Variants in NRXN3 observed in about 807,000 individuals in gnomAD.
NRXN3 encodes neurexin III.
In NRXN3, 32 loss-of-function variants were observed where a neutral mutation model predicts 137.6. The ratio of observed to expected loss-of-function variants is 0.23; its 90% confidence interval spans 0.18 to 0.31. The LOEUF (loss-of-function observed/expected upper bound fraction) is 0.31, where lower values mean the gene tolerates loss of function less well. Among genes scored for constraint, NRXN3 ranks in the 10% least tolerant of loss-of-function variants. NRXN3 has a pLI of 1.00. For synonymous variants in NRXN3, 798 were observed against 784.5 expected (o/e 1.02, Z -0.29); for missense variants, 1,574 against 2,062.5 (o/e 0.76, Z 4.59).
intron 16 of NRXN3, among the ~76,000 whole-genome samples, chr14:79,534,848 G>T (rs928841556): frequency 2.0e-5 from 3 of 152,144 alleles, no homozygotes; most frequent in African/African-American, 7.2e-5. Flanking sequence ...ACCAGAAGAT[G>T]AAAAACCTGG....
chr14:79,248,527 T>G (rs574943963), intron 15 of NRXN3: 1 of 152,392 alleles, frequency 6.6e-6, no homozygotes, highest in South Asian at 2.1e-4. Flanking sequence ...TCCTTCTAGT[T>G]TTCCTGTGTC....
intron 4 of NRXN3, among the ~76,000 whole-genome samples, chr14:78,409,933 G>T (rs2092722578): frequency 6.6e-6 from 1 of 152,146 alleles, no homozygotes; most frequent in Non-Finnish European, 1.5e-5. Flanking sequence ...CTTGATACAA[G>T]ATCTCATGTA....
At chr14:78,417,780 GA>G (rs1201724556) in intron 4 of NRXN3, among the ~76,000 whole-genome samples, 1 of 152,148 alleles carries the variant, frequency 6.6e-6, no homozygotes, top group Non-Finnish European at 1.5e-5. Flanking sequence ...TTTAGAGACA[GA>G]GTCTCACTCT....
At position 79,827,309 on chromosome 14, in the gene NRXN3, G is replaced by A. The variant is rs185409457; in HGVS notation, c.4093+22119G>A. Among the ~76,000 whole-genome samples, 7 of 152,236 alleles carry A rather than the reference G, an allele frequency of 4.6e-5. No homozygotes were observed. In the East Asian group the frequency reaches 1.4e-3, roughly 30 times the overall value. ...CTTCTCTGAAAAAAATGATATTTGA[G>A]CAGAAGAGTGTGAAATAAGTGACAG... On this transcript the variant is annotated intron_variant, in intron 20 of 20. Transcript: ENST00000335750.
intron 5 of NRXN3, among the ~76,000 whole-genome samples, chr14:78,646,082 G>A (rs577955609): frequency 2.0e-5 from 3 of 152,116 alleles, no homozygotes; most frequent in African/African-American, 7.2e-5. Context: ...GGCCTGGAAA[G>A]TGGAAGGACC....
intron 4 of NRXN3, among the ~76,000 whole-genome samples, chr14:78,523,859 TG>T (rs2096331544): frequency 2.4e-5 from 3 of 127,376 alleles, no homozygotes; most frequent in Non-Finnish European, 5.0e-5. Context: ...TACAAGAGAG[TG>T]TGACCCATAG....
chr14:79,028,662 C>T (rs536406423), intron 15 of NRXN3, among the ~76,000 whole-genome samples: 6 of 152,084 alleles, frequency 3.9e-5, no homozygotes, highest in East Asian at 1.9e-4. Flanking sequence ...CAAATGTGGA[C>T]GTAAATAATT....
At chr14:78,971,772 A>C (rs2099441998) in intron 14 of NRXN3, among the ~76,000 whole-genome samples, 1 of 152,026 alleles carries the variant, frequency 6.6e-6, no homozygotes, top group Admixed American at 6.6e-5. Flanking sequence ...AGTAGCTGGG[A>C]TTACAGGTGC....
At chr14:79,634,816 C>T (rs1008451024) in intron 16 of NRXN3, among the ~76,000 whole-genome samples, 5 of 152,172 alleles carry the variant, frequency 3.3e-5, no homozygotes, top group African/African-American at 7.2e-5. Context: ...CTTTCCCCAT[C>T]GCCACCACGT....
chr14:78,487,755 A>C (rs2095588788), intron 4 of NRXN3, among the ~76,000 whole-genome samples: 1 of 99,966 alleles, frequency 1.0e-5, no homozygotes, highest in Admixed American at 8.6e-5. Flanking sequence ...AAATAAATAA[A>C]TAAATAAATA....
At chr14:78,350,159 C>T (rs1390381384) in intron 4 of NRXN3, among the ~76,000 whole-genome samples, 3 of 151,942 alleles carry the variant, frequency 2.0e-5, no homozygotes, top group Non-Finnish European at 2.9e-5. Flanking sequence ...CATGGTGGTG[C>T]GTACCTGTAA....
intron 15 of NRXN3, among the ~76,000 whole-genome samples, chr14:79,100,775 G>C (rs1199710538): frequency 1.3e-5 from 2 of 152,068 alleles, no homozygotes; most frequent in East Asian, 3.9e-4. Context: ...CCCTCAAATG[G>C]GGACATGAAA....
chr14:78,186,098 A>T (rs561509405), intron 1 of NRXN3, among the ~76,000 whole-genome samples: 29 of 152,354 alleles, frequency 1.9e-4, no homozygotes, highest in African/African-American at 7.0e-4. Flanking sequence ...AGCAGAAGCC[A>T]CTAAGCTGGG....
Position 78,826,474 on chromosome 14 carries a change from G to A in NRXN3, c.2275+16130G>A, listed in dbSNP as rs80260473. ...ATTGAACTTGAAAAAACATGCACAC[G>A]CATAAATTCACAGATAAAATTCTTA... On this transcript the variant is annotated intron_variant, in intron 10 of 20. Coordinates refer to ENST00000335750, the MANE Select transcript of NRXN3 (RefSeq NM_001330195.2). 9.3e-3 allele frequency among the ~76,000 whole-genome samples: 1,422 copies of A among 152,240 alleles called. 18 individuals are homozygous for A. Among genetic ancestry groups the A allele is most frequent in the African/African-American group, 0.032 (1,348 of 41,540 alleles).
At chr14:79,054,752 C>T (rs2099653622) in intron 15 of NRXN3, among the ~76,000 whole-genome samples, 1 of 152,164 alleles carries the variant, frequency 6.6e-6, no homozygotes. Context: ...CAGTTGTTAA[C>T]AGTTTTTAAT....
intron 15 of NRXN3, among the ~76,000 whole-genome samples, chr14:79,150,481 A>G (rs1333695843): frequency 1.3e-5 from 2 of 151,926 alleles, no homozygotes; most frequent in Non-Finnish European, 2.9e-5. Flanking sequence ...ATTTCTGTGC[A>G]TGTTCCCAAA....
chr14:78,171,560 G>C (rs2058727074), intron 1 of NRXN3, among the ~76,000 whole-genome samples: 2 of 151,790 alleles, frequency 1.3e-5, no homozygotes, highest in Non-Finnish European at 2.9e-5. Flanking sequence ...TGTACCCAGA[G>C]TTTCAGCTCT....
chr14:79,808,255 A>ATATATAT (rs1555750670), intron 20 of NRXN3, among the ~76,000 whole-genome samples: 9 of 123,978 alleles, frequency 7.3e-5, no homozygotes, highest in Admixed American at 2.5e-4. Flanking sequence ...AAAAAAAAAA[A>ATATATAT]ATATATATAT....
intron 20 of NRXN3, among the ~76,000 whole-genome samples, chr14:79,842,393 A>C (rs573357397): frequency 6.6e-6 from 1 of 152,288 alleles, no homozygotes; most frequent in South Asian, 2.1e-4. Context: ...CCAAGCACTG[A>C]GCAAGGCAAG....
Sources: allele counts gnomAD v4.1 joint callset (sites outside exome capture counted in the v4.1 genomes callset), GRCh38; gene constraint gnomAD v4.1.1; transcripts MANE v1.5; gene names NCBI Gene and HGNC (gene_info 2026-07-23, HGNC 2026-07-21).